The following UST variants were observed in gnomAD, a reference collection of about 807,000 sequenced individuals.
UST encodes uronyl 2-sulfotransferase, also known as chondroitin sulfate 2-O-sulfotransferase.
In UST, 21 loss-of-function variants were observed where a neutral mutation model predicts 45.6. The observed-to-expected ratio is 0.46, with a 90% confidence interval of 0.33 to 0.66. The LOEUF (loss-of-function observed/expected upper bound fraction) is 0.66. Ranked by LOEUF, UST falls within the 30% of genes least tolerant of loss-of-function variation. UST has a pLI of 0.02. For missense variants in UST, 463 were observed against 512.4 expected (o/e 0.90, Z 0.93); for synonymous variants, 215 against 200.6 (o/e 1.07, Z -0.61).
At chr6:148,985,405 CA>C (rs1383363391) in intron 5 of UST, among the ~76,000 whole-genome samples, 1 of 151,744 alleles carries the variant, frequency 6.6e-6, no homozygotes, top group Non-Finnish European at 1.5e-5. Context: ...ACAACAACAA[CA>C]ACAAAAACTG....
chr6:148,880,277 A>G (rs552373414), intron 1 of UST, among the ~76,000 whole-genome samples: 1 of 152,112 alleles, frequency 6.6e-6, no homozygotes, highest in South Asian at 2.1e-4. Flanking sequence ...TTTCATATCC[A>G]TTGTCTTGTC....
At chr6:148,964,655 TCTCCTTGGCGC>T in intron 5 of UST, 92 bp downstream of exon 5, 1 of 1,522,508 alleles carries the variant, frequency 6.6e-7, no homozygotes, top group Non-Finnish European at 8.9e-7. Flanking sequence ...TCCCAGGCCT[TCTCCTTGGCGC>T]CTCCATGGAG....
chr6:149,021,457 G>A lies in UST; in HGVS notation c.913G>A (p.Val305Met), dbSNP rs141035429. The change falls in exon 7 of 8, where the codon GTG becomes ATG. Residue 305 changes from valine to methionine, a missense_variant. Transcript: ENST00000367463. ...ERFLPHYFKG[V>M]LSIYKDPEHR... is the part of the protein sequence containing the mutation. Reference sequence around the variant, plus strand: ...ATTTTTACCTCATTACTTCAAGGGCGTGCTCAGTATCTACAAAGACCCAGG... The same window carrying A: ...ATTTTTACCTCATTACTTCAAGGGCATGCTCAGTATCTACAAAGACCCAGG... The A allele has an allele frequency of 9.3e-6, 15 of 1,613,988 alleles. No homozygotes were observed. The highest frequency in any genetic ancestry group is 8.0e-5 in the African/African-American group (6 of 74,902).
At chr6:149,038,934 A>G (rs1275375432) in intron 7 of UST, among the ~76,000 whole-genome samples, 1 of 152,236 alleles carries the variant, frequency 6.6e-6, no homozygotes, top group Non-Finnish European at 1.5e-5. Context: ...TGGAAAACAG[A>G]AAAACAATGA....
chr6:149,025,570 C>A lies in UST; in HGVS notation c.937+4089C>A, dbSNP rs1776038276. Among the ~76,000 whole-genome samples the A allele has an allele frequency of 1.3e-5, 2 of 152,160 alleles. 1 individual carries two copies. Among genetic ancestry groups the A allele is most frequent in the South Asian group, 4.1e-4 (2 of 4,832 alleles). Reference sequence around the variant, plus strand: ...GAGTTTGAATTAGGGAGCACCAAGGCCCCAGCAGGTTTACTCGGTAGAAGC... The same window carrying A: ...GAGTTTGAATTAGGGAGCACCAAGGACCCAGCAGGTTTACTCGGTAGAAGC... On this transcript the variant is annotated intron_variant, in intron 7 of 7. Coordinates refer to ENST00000367463, the MANE Select transcript of UST (RefSeq NM_005715.3).
intron 5 of UST, among the ~76,000 whole-genome samples, chr6:148,968,180 T>G (rs1361063988): frequency 6.6e-6 from 1 of 152,218 alleles, no homozygotes; most frequent in African/African-American, 2.4e-5. Flanking sequence ...TGAAGCAGAA[T>G]CATTTGATGT....
chr6:148,986,853 G>C (rs953201903), intron 5 of UST, among the ~76,000 whole-genome samples: 4 of 152,236 alleles, frequency 2.6e-5, no homozygotes, highest in African/African-American at 9.6e-5. Context: ...CTCAAGGACA[G>C]AGAGTGCAAT....
chr6:148,762,228 C>T (rs529863049), intron 1 of UST, among the ~76,000 whole-genome samples: 2 of 152,338 alleles, frequency 1.3e-5, no homozygotes, highest in South Asian at 4.1e-4. Flanking sequence ...TTTGTCTCCT[C>T]TTTTCACCTG....
At chr6:148,964,346 G>A (rs1780735180) in intron 4 of UST, 64 bp from the exon 5 acceptor site, 1 of 1,587,708 alleles carries the variant, frequency 6.3e-7, no homozygotes, top group South Asian at 1.1e-5. Flanking sequence ...GGGAGATGTT[G>A]TCTAAGTAGG....
At chr6:148,886,961 A>G in intron 1 of UST, 25 bp from the exon 2 acceptor site, 1 of 1,603,842 alleles carries the variant, frequency 6.2e-7, no homozygotes. Flanking sequence ...AAACGGATTC[A>G]TCAACTTTTT....
chr6:148,783,458 A>C (rs1208005361), intron 1 of UST, among the ~76,000 whole-genome samples: 1 of 152,224 alleles, frequency 6.6e-6, no homozygotes, highest in Non-Finnish European at 1.5e-5. Context: ...TCAACCCAGC[A>C]AAAAGCATTT....
chr6:148,911,288 A>T (rs1779470386), intron 2 of UST, among the ~76,000 whole-genome samples: 1 of 152,168 alleles, frequency 6.6e-6, no homozygotes, highest in Non-Finnish European at 1.5e-5. Context: ...CTCAGAGCTC[A>T]CACCCTGGGA....
rs76857025 is a variant in UST, at chr6:148,955,386, A to G, written c.527+1435A>G. Among the ~76,000 whole-genome samples, 740 of 152,374 alleles carry G rather than the reference A, an allele frequency of 4.9e-3. 2 individuals are homozygous for G. Among genetic ancestry groups the G allele is most frequent in the Non-Finnish European group, 7.7e-3 (524 of 68,030 alleles). ...TGAGATTCAGTAAAGCAAGTTATTA[A>G]GCAGAGAAAAGGAGCTGCTGCCTTA... On this transcript the variant is annotated intron_variant, in intron 4 of 7. Transcript: ENST00000367463.
chr6:148,975,029 A>G (rs1167063825), intron 5 of UST, among the ~76,000 whole-genome samples: 1 of 152,244 alleles, frequency 6.6e-6, no homozygotes, highest in Admixed American at 6.5e-5. Context: ...TTCAACAACT[A>G]AAAAGGAAAC....
At chr6:148,865,897 A>G (rs1218674441) in intron 1 of UST, among the ~76,000 whole-genome samples, 4 of 152,160 alleles carry the variant, frequency 2.6e-5, no homozygotes, top group Admixed American at 1.3e-4. Context: ...CATGGAATGT[A>G]TGTCTGAGGC....
Position 149,006,518 on chromosome 6 carries a change from C to A in UST, c.682-12621C>A, listed in dbSNP as rs1775698018. Among the ~76,000 whole-genome samples the A allele has an allele frequency of 2.0e-5, 3 of 152,114 alleles. No homozygotes were observed. In the South Asian group the frequency reaches 6.2e-4, roughly 32 times the overall value. On this transcript the variant is annotated intron_variant, in intron 5 of 7. Transcript: ENST00000367463. ...TCACCAATGGGCATTTGGGCTGATT[C>A]TGTGTCCTTGCTATTATGAATAGTG...
At chr6:149,009,525 A>C (rs1253471578) in intron 5 of UST, among the ~76,000 whole-genome samples, 2 of 151,570 alleles carry the variant, frequency 1.3e-5, no homozygotes, top group Non-Finnish European at 2.9e-5. Context: ...TAGAGAGAGA[A>C]ATGTTAAAGA....
At chr6:149,006,279 C>A (rs1043483333) in intron 5 of UST, among the ~76,000 whole-genome samples, 3 of 152,120 alleles carry the variant, frequency 2.0e-5, no homozygotes, top group Admixed American at 6.5e-5. Context: ...GTGTTCCCCT[C>A]CCTATGTCCA....
intron 1 of UST, among the ~76,000 whole-genome samples, chr6:148,866,031 A>T (rs1421606210): frequency 6.6e-6 from 1 of 152,054 alleles, no homozygotes; most frequent in African/African-American, 2.4e-5. Flanking sequence ...ATGTGTGTGT[A>T]TGTATATATA....
Sources: allele counts gnomAD v4.1 joint callset (sites outside exome capture counted in the v4.1 genomes callset), GRCh38; gene constraint gnomAD v4.1.1; transcripts MANE v1.5; gene names NCBI Gene and HGNC (gene_info 2026-07-23, HGNC 2026-07-21).